Variants in KIF15 observed in about 807,000 individuals in gnomAD.
KIF15 encodes the protein kinesin family member 15.
Under a neutral mutation model 190.6 loss-of-function variants are expected in KIF15, and 140 were observed. That is an observed-to-expected ratio of 0.73 (90% confidence interval 0.64 to 0.84). The LOEUF (loss-of-function observed/expected upper bound fraction) is 0.84. Among genes scored for constraint, KIF15 ranks in the 40% least tolerant of loss-of-function variants. The pLI, the probability that KIF15 is intolerant of heterozygous loss-of-function variation, is 0.00. For synonymous variants in KIF15, 528 were observed against 551.3 expected (o/e 0.96, Z 0.59); for missense variants, 1,372 against 1,584.4 (o/e 0.87, Z 2.28).
At chr3:44,853,470 G>T (rs1380777279), downstream of KIF15, among the ~76,000 whole-genome samples, 1 of 152,112 alleles carries the variant, frequency 6.6e-6, no homozygotes, top group Non-Finnish European at 1.5e-5. Flanking sequence ...TACTTGAATT[G>T]TTTCCAGTTT....
At chr3:44,791,039 G>GT (rs971258987) in intron 7 of KIF15, among the ~76,000 whole-genome samples, 3 of 152,138 alleles carry the variant, frequency 2.0e-5, no homozygotes, top group South Asian at 2.1e-4. Context: ...TACTTTGCTC[G>GT]TTTTTTTAAC....
At chr3:44,807,231 C>CTTTTT (rs1043851145) in intron 16 of KIF15, among the ~76,000 whole-genome samples, 2 of 147,678 alleles carry the variant, frequency 1.4e-5, no homozygotes, top group Non-Finnish European at 1.5e-5. Context: ...CCTTTCTTTT[C>CTTTTT]TTTTTTTTTT....
chr3:44,865,711 G>A (rs1045711611), intron 6 of KIF15: 1 of 156,746 alleles, frequency 6.4e-6, no homozygotes, highest in African/African-American at 2.4e-5. Flanking sequence ...TGGAGTAAGA[G>A]GGAGCCAGAG....
intron 5 of KIF15, among the ~76,000 whole-genome samples, chr3:44,782,361 T>A (rs1706211871): frequency 1.3e-5 from 2 of 152,180 alleles, no homozygotes; most frequent in South Asian, 4.1e-4. Context: ...TGCACCTGGC[T>A]TCTTTTTCCT....
intron 3 of KIF15, among the ~76,000 whole-genome samples, chr3:44,776,140 A>ATAACGTTTCATCAT (rs1705880393): frequency 6.6e-6 from 1 of 151,940 alleles, no homozygotes; most frequent in South Asian, 2.1e-4. Context: ...TCCGTCTCAA[A>ATAACGTTTCATCAT]TAAGGAGACT....
intron 7 of KIF15, among the ~76,000 whole-genome samples, chr3:44,790,824 C>T (rs1045709947): frequency 2.0e-5 from 3 of 151,356 alleles, no homozygotes; most frequent in Non-Finnish European, 4.4e-5. Context: ...TCCCGAGTAG[C>T]TGGGACTACA....
intron 29 of KIF15, among the ~76,000 whole-genome samples, chr3:44,841,914 A>G (rs1698628307): frequency 6.6e-6 from 1 of 152,056 alleles, no homozygotes; most frequent in African/African-American, 2.4e-5. Context: ...CTCCTGCCCC[A>G]TTTGGTTTTT....
intron 33 of KIF15, 32 bp downstream of exon 33, chr3:44,851,984 T>C (rs543348522): frequency 5.0e-6 from 8 of 1,591,992 alleles, no homozygotes; most frequent in Non-Finnish European, 6.8e-6. Flanking sequence ...TTCATGATAC[T>C]TAGAACACTC....
intron 5 of KIF15, among the ~76,000 whole-genome samples, chr3:44,782,245 G>C (rs978169266): frequency 1.3e-5 from 2 of 151,812 alleles, no homozygotes; most frequent in East Asian, 3.9e-4. Context: ...GAGACGGGGT[G>C]GGGGGCGCGT....
At chr3:44,861,951 C>T (rs1384480780) in intron 6 of KIF15, 3 of 1,406,342 alleles carry the variant, frequency 2.1e-6, no homozygotes, top group Non-Finnish European at 1.8e-6. Context: ...GGCCTCCGGG[C>T]GGCGCCGTGT....
intron 1 of KIF15, among the ~76,000 whole-genome samples, chr3:44,764,781 C>T (rs1041495260): frequency 4.6e-5 from 7 of 152,100 alleles, no homozygotes; most frequent in African/African-American, 1.4e-4. Flanking sequence ...GGACTACAGG[C>T]AACCACCACC....
intron 26 of KIF15, among the ~76,000 whole-genome samples, chr3:44,833,681 C>G (rs1371139840): frequency 1.4e-5 from 2 of 138,746 alleles, no homozygotes; most frequent in Admixed American, 1.4e-4. Flanking sequence ...AGCCCAGTTC[C>G]TAACAAGCCA....
At chr3:44,865,111 C>T (rs1210585004) in intron 6 of KIF15, 2 of 1,614,122 alleles carry the variant, frequency 1.2e-6, no homozygotes, top group African/African-American at 2.7e-5. Flanking sequence ...TCCTTATTCT[C>T]TGCGGACTCA....
At chr3:44,845,061 A>G (rs964887666) in intron 30 of KIF15, among the ~76,000 whole-genome samples, 5 of 152,342 alleles carry the variant, frequency 3.3e-5, no homozygotes, top group African/African-American at 1.2e-4. Context: ...TGACTGAGTG[A>G]GGCAATGGCA....
At chr3:44,847,898 T>C in intron 30 of KIF15, 87 bp from the exon 31 acceptor site, 1 of 919,594 alleles carries the variant, frequency 1.1e-6, no homozygotes, top group Non-Finnish European at 1.7e-6. Context: ...CATTGCTGCA[T>C]ATAATGGATT....
intron 16 of KIF15, 46 bp from the exon 17 acceptor site, chr3:44,810,800 T>A: frequency 6.9e-7 from 1 of 1,455,144 alleles, no homozygotes. Flanking sequence ...AAATATGCCC[T>A]TTTTAAATAT....
At chr3:44,817,738 A>C (rs551063392) in intron 20 of KIF15, among the ~76,000 whole-genome samples, 75 of 152,154 alleles carry the variant, frequency 4.9e-4, no homozygotes, top group African/African-American at 1.5e-3. Flanking sequence ...TTTTTTGGTT[A>C]CATATGAACT....
intron 10 of KIF15, chr3:44,799,262 C>T (rs1707140079): frequency 2.2e-6 from 1 of 456,508 alleles, no homozygotes; most frequent in African/African-American, 2.0e-5. Context: ...AAGAACAAAA[C>T]CAAGAGCCTT....
chr3:44,838,225 C>T (rs1200586480), intron 26 of KIF15, 50 bp from the exon 27 acceptor site: 4 of 1,537,244 alleles, frequency 2.6e-6, no homozygotes, highest in East Asian at 2.3e-5. Flanking sequence ...ATTTGGGAAT[C>T]CTTATTGGAA....
Sources: allele counts gnomAD v4.1 joint callset (sites outside exome capture counted in the v4.1 genomes callset), GRCh38; gene constraint gnomAD v4.1.1; transcripts MANE v1.5; gene names NCBI Gene and HGNC (gene_info 2026-07-23, HGNC 2026-07-21).